Variants in ASIC2 observed in about 807,000 individuals in gnomAD.
The protein encoded by ASIC2 is acid-sensing ion channel 2.
ASIC2 carries 25 observed loss-of-function variants against 57.3 expected under a neutral mutation model. The observed-to-expected ratio is 0.44, with a 90% CI of 0.32 to 0.61. ASIC2 has a LOEUF of 0.61. Among genes scored for constraint, ASIC2 ranks in the 20% least tolerant of loss-of-function variants. The pLI is 0.06. For missense variants in ASIC2, 641 were observed against 738.1 expected, an observed-to-expected ratio of 0.87 and a Z score of 1.52; for synonymous variants, 319 against 307.5, an observed-to-expected ratio of 1.04 and a Z score of -0.39.
intron 1 of ASIC2, among the ~76,000 whole-genome samples, chr17:33,743,690 A>T (rs557202873): frequency 1.9e-4 from 29 of 152,218 alleles, no homozygotes; most frequent in Non-Finnish European, 3.8e-4. Flanking sequence ...TTCAATCACA[A>T]CACGAGCTCT....
intron 1 of ASIC2, among the ~76,000 whole-genome samples, chr17:33,701,114 A>G (rs2046899): frequency 0.19 from 29,263 of 152,064 alleles, 3,391 homozygotes; most frequent in African/African-American, 0.33. Flanking sequence ...CTGACTTAGA[A>G]CACATTATTT....
At chr17:33,112,140 C>T in intron 1 of ASIC2, 73 bp from the exon 2 acceptor site, 1 of 1,479,996 alleles carries the variant, frequency 6.8e-7, no homozygotes, top group Non-Finnish European at 9.0e-7. Flanking sequence ...ATTGGCGAGA[C>T]CCCAGAAATC....
At chr17:33,634,560 G>C (rs1906286982) in intron 1 of ASIC2, among the ~76,000 whole-genome samples, 1 of 143,410 alleles carries the variant, frequency 7.0e-6, no homozygotes, top group Non-Finnish European at 1.5e-5. Context: ...CTGTCGCCCA[G>C]GCTGGAGTGC....
chr17:33,739,516 G>A (rs1325558932), intron 1 of ASIC2, among the ~76,000 whole-genome samples: 1 of 152,244 alleles, frequency 6.6e-6, no homozygotes, highest in Admixed American at 6.5e-5. Flanking sequence ...ATAGCCAGTG[G>A]AGCTGCAGTT....
chr17:33,181,354 T>G (rs1905977222), intron 1 of ASIC2, among the ~76,000 whole-genome samples: 1 of 152,190 alleles, frequency 6.6e-6, no homozygotes, highest in South Asian at 2.1e-4. Context: ...ATAAAACTCT[T>G]TATACAGACA....
chr17:33,207,723 A>T (rs571176340), intron 1 of ASIC2, among the ~76,000 whole-genome samples: 1 of 152,286 alleles, frequency 6.6e-6, no homozygotes, highest in East Asian at 1.9e-4. Context: ...TCTGACAGCC[A>T]AGAGCCAAGA....
chr17:33,946,364 G>T (rs1333419191), intron 1 of ASIC2, among the ~76,000 whole-genome samples: 1 of 152,142 alleles, frequency 6.6e-6, no homozygotes, highest in Non-Finnish European at 1.5e-5. Flanking sequence ...CTCTGCTGTA[G>T]CAAAAGTGCC....
chr17:33,802,645 G>C (rs746415177), intron 1 of ASIC2, among the ~76,000 whole-genome samples: 4 of 152,192 alleles, frequency 2.6e-5, no homozygotes, highest in Non-Finnish European at 4.4e-5. Flanking sequence ...CTCAATATTT[G>C]CTTTCTTCCT....
chr17:33,398,548 T>C (rs563368070), intron 1 of ASIC2, among the ~76,000 whole-genome samples: 40 of 152,144 alleles, frequency 2.6e-4, no homozygotes, highest in Admixed American at 5.9e-4. Flanking sequence ...ATAATAATGA[T>C]GATGGGGATG....
At chr17:33,633,377 A>T (rs1906238508) in intron 1 of ASIC2, among the ~76,000 whole-genome samples, 1 of 152,212 alleles carries the variant, frequency 6.6e-6, no homozygotes. Context: ...GGACTCTGGG[A>T]CATAGAAAGG....
intron 1 of ASIC2, among the ~76,000 whole-genome samples, chr17:34,054,473 A>G (rs1160692059): frequency 6.6e-6 from 1 of 152,098 alleles, no homozygotes. Context: ...CTCCTTTCCC[A>G]GATTACTTCC....
chr17:33,847,928 T>C (rs1913656355), intron 1 of ASIC2, among the ~76,000 whole-genome samples: 2 of 151,992 alleles, frequency 1.3e-5, no homozygotes, highest in African/African-American at 4.8e-5. Context: ...AATGCAAATA[T>C]ATGGGGAGGA....
At chr17:34,125,553 G>C (rs1351488452) in intron 1 of ASIC2, among the ~76,000 whole-genome samples, 1 of 152,074 alleles carries the variant, frequency 6.6e-6, no homozygotes, top group East Asian at 1.9e-4. Context: ...AGACTGAAAC[G>C]ATACCCAAAT....
intron 1 of ASIC2, among the ~76,000 whole-genome samples, chr17:33,682,814 AC>A (rs1908052471): frequency 6.6e-6 from 1 of 152,210 alleles, no homozygotes; most frequent in Admixed American, 6.5e-5. Flanking sequence ...AGGGGAGATA[AC>A]TTTGGAGAAT....
chr17:33,847,613 G>A (rs1422257192), intron 1 of ASIC2, among the ~76,000 whole-genome samples: 1 of 152,122 alleles, frequency 6.6e-6, no homozygotes, highest in African/African-American at 2.4e-5. Flanking sequence ...ATAGTATATG[G>A]GACACAGCTT....
chr17:34,057,995 T>C (rs1908831854), intron 1 of ASIC2, among the ~76,000 whole-genome samples: 1 of 152,216 alleles, frequency 6.6e-6, no homozygotes, highest in Non-Finnish European at 1.5e-5. Flanking sequence ...CATGTACTTG[T>C]GTGCGTGCAC....
intron 1 of ASIC2, among the ~76,000 whole-genome samples, chr17:33,563,738 C>A (rs1916146566): frequency 6.6e-6 from 1 of 152,136 alleles, no homozygotes; most frequent in Non-Finnish European, 1.5e-5. Flanking sequence ...TCTAGTAGAA[C>A]CCCATAGCTT....
intron 1 of ASIC2, among the ~76,000 whole-genome samples, chr17:33,178,035 AG>A (rs1002292713): frequency 6.6e-6 from 1 of 152,054 alleles, no homozygotes; most frequent in Non-Finnish European, 1.5e-5. Context: ...GTACAATTCA[AG>A]GGGGTTCCTA....
At chr17:34,024,685 C>G (rs955313551) in intron 1 of ASIC2, among the ~76,000 whole-genome samples, 4 of 152,198 alleles carry the variant, frequency 2.6e-5, no homozygotes, top group Non-Finnish European at 5.9e-5. Context: ...GAGACATGCT[C>G]AAAACCTGGC....
Sources: gnomAD v4.1 joint callset for allele counts (sites outside exome capture counted in the v4.1 genomes callset) on GRCh38, gnomAD v4.1.1 for gene constraint, MANE v1.5 for transcripts, NCBI Gene and HGNC (gene_info 2026-07-23, HGNC 2026-07-21) for gene names.